MKLN1: variants seen among roughly 807,000 people sequenced by gnomAD.
MKLN1 encodes the protein muskelin.
A neutral mutation model predicts 99.0 loss-of-function variants in MKLN1; 18 were observed. The ratio of observed to expected loss-of-function variants is 0.18; its 90% CI spans 0.13 to 0.27. MKLN1 has a LOEUF of 0.27. Among genes scored for constraint, MKLN1 ranks in the 10% least tolerant of loss-of-function variants. The probability of loss-of-function intolerance (pLI) is 1.00; values close to 1 mark genes in which losing one functional copy is unlikely to be tolerated. For synonymous variants in MKLN1, 288 were observed against 293.2 expected, an observed-to-expected ratio of 0.98 and a Z score of 0.18; for missense variants, 621 against 875.9, an observed-to-expected ratio of 0.71 and a Z score of 3.67.
Position 131,411,252 on chromosome 7 carries a change from T to C in MKLN1, c.704-54T>C, listed in dbSNP as rs117889773. ...TTTAAATTTTAATTTTTTTCTATAA[T>C]AAATAATGTAAGTAGTTAAGGTGTA... On this transcript the variant is annotated intron_variant, in intron 6 of 17. Coordinates refer to ENST00000352689, the MANE Select transcript of MKLN1 (RefSeq NM_013255.5). 7,789 of 1,076,004 alleles carry C rather than the reference T, an allele frequency of 7.2e-3. 53 individuals carry two copies. The highest frequency in any genetic ancestry group is 9.3e-3 in the Non-Finnish European group (6,781 of 726,772). 66.7% of individuals were successfully genotyped at this position (1,076,004 alleles called of 1,614,324 possible).
chr7:131,233,351 C>G (rs1005806284), intron 3 of MKLN1, among the ~76,000 whole-genome samples: 3 of 149,818 alleles, frequency 2.0e-5, no homozygotes, highest in South Asian at 2.1e-4. Context: ...GCCTGGGTGA[C>G]AGAAGGAGAC....
chr7:131,345,553 C>T (rs1350486926), intron 1 of MKLN1, among the ~76,000 whole-genome samples: 1 of 152,088 alleles, frequency 6.6e-6, no homozygotes, highest in Non-Finnish European at 1.5e-5. Flanking sequence ...CTCTTCTCTA[C>T]AAAACGTTAA....
chr7:131,254,343 A>C (rs2116522118), intron 3 of MKLN1, among the ~76,000 whole-genome samples: 1 of 152,324 alleles, frequency 6.6e-6, no homozygotes, highest in East Asian at 1.9e-4. Flanking sequence ...ATATTATATA[A>C]CATGTCCAGT....
intron 11 of MKLN1, among the ~76,000 whole-genome samples, chr7:131,444,303 GAC>G (rs1795930832): frequency 6.6e-6 from 1 of 151,760 alleles, no homozygotes; most frequent in African/African-American, 2.4e-5. Flanking sequence ...ATTTAGTAAA[GAC>G]AGGGTTTCAC....
chr7:131,340,649 C>T (rs1799382385), intron 1 of MKLN1, among the ~76,000 whole-genome samples: 1 of 152,146 alleles, frequency 6.6e-6, no homozygotes, highest in Non-Finnish European at 1.5e-5. Context: ...CCAAAAACTC[C>T]ATAGAATGTA....
chr7:131,247,316 C>T (rs775468983), intron 3 of MKLN1, among the ~76,000 whole-genome samples: 10 of 149,630 alleles, frequency 6.7e-5, no homozygotes, highest in African/African-American at 1.7e-4. Context: ...CGGGTTGAAG[C>T]GATTCTCCTG....
chr7:131,338,380 C>G (rs1303381069), intron 1 of MKLN1, among the ~76,000 whole-genome samples: 1 of 152,194 alleles, frequency 6.6e-6, no homozygotes, highest in Non-Finnish European at 1.5e-5. Context: ...AGTGGCTGTC[C>G]TTTTTTGGCT....
At chr7:131,442,323 G>A (rs1343262709) in intron 10 of MKLN1, among the ~76,000 whole-genome samples, 5 of 152,282 alleles carry the variant, frequency 3.3e-5, no homozygotes, top group East Asian at 1.9e-4. Flanking sequence ...CGAGGCAGGC[G>A]GATCACCTGA....
intron 2 of MKLN1, among the ~76,000 whole-genome samples, chr7:131,386,675 T>A (rs1283718729): frequency 6.6e-6 from 1 of 152,234 alleles, no homozygotes. Context: ...GCAGGGTTGA[T>A]TAGTAAATCT....
intron 3 of MKLN1, among the ~76,000 whole-genome samples, chr7:131,241,444 C>T (rs1481518354): frequency 2.0e-5 from 3 of 149,124 alleles, no homozygotes; most frequent in South Asian, 2.1e-4. Context: ...CGGTGGCTCA[C>T]GCCTGTAATT....
intron 3 of MKLN1, among the ~76,000 whole-genome samples, chr7:131,243,746 G>A (rs1199811776): frequency 6.6e-6 from 1 of 152,194 alleles, no homozygotes. Flanking sequence ...CTGCGAGGTA[G>A]CTCACGTCTG....
intron 3 of MKLN1, among the ~76,000 whole-genome samples, chr7:131,269,284 AG>A (rs1310018145): frequency 2.0e-5 from 3 of 152,240 alleles, no homozygotes; most frequent in Non-Finnish European, 4.4e-5. Context: ...TATTGCCCAC[AG>A]TTCTAGAGGC....
At chr7:131,211,264 TA>T (rs1395588663) in intron 3 of MKLN1, among the ~76,000 whole-genome samples, 10 of 152,180 alleles carry the variant, frequency 6.6e-5, no homozygotes, top group Admixed American at 6.5e-4. Context: ...TTATGTACAT[TA>T]AAAGTTTGCC....
chr7:131,297,318 G>A (rs982590825), intron 3 of MKLN1, among the ~76,000 whole-genome samples: 13 of 152,146 alleles, frequency 8.5e-5, no homozygotes, highest in Middle Eastern at 3.4e-3. Flanking sequence ...CCGAGATAGC[G>A]CCACTGCACT....
At chr7:131,444,718 GAGTAGTAGTAGTAGTAGTAGTAGT>G (rs60571380) in intron 11 of MKLN1, among the ~76,000 whole-genome samples, 11 of 128,748 alleles carry the variant, frequency 8.5e-5, no homozygotes, top group African/African-American at 1.4e-4. Flanking sequence ...CCTGGGTTTT[GAGTAGTAGTAGTAGTAGTAGTAGT>G]AGTAGTAGTA....
At chr7:131,478,334 G>A in intron 16 of MKLN1, 1 of 301,164 alleles carries the variant, frequency 3.3e-6, no homozygotes, top group Non-Finnish European at 6.0e-6. Flanking sequence ...TTATTTTGTT[G>A]TGCTGTTGTT....
At chr7:131,168,937 G>A (rs556933391) in intron 2 of MKLN1, among the ~76,000 whole-genome samples, 2 of 147,666 alleles carry the variant, frequency 1.4e-5, no homozygotes, top group Admixed American at 6.9e-5. Context: ...GTGCAATCTT[G>A]GCTCACCGCA....
At chr7:131,315,970 CT>C (rs1473527141) in intron 3 of MKLN1, among the ~76,000 whole-genome samples, 1 of 152,232 alleles carries the variant, frequency 6.6e-6, no homozygotes, top group African/African-American at 2.4e-5. Flanking sequence ...TGCGGAGGGG[CT>C]GCTGTGGGCA....
intron 15 of MKLN1, among the ~76,000 whole-genome samples, chr7:131,468,508 T>C (rs1796721206): frequency 6.6e-6 from 1 of 152,222 alleles, no homozygotes; most frequent in Non-Finnish European, 1.5e-5. Context: ...AGTTAGAATA[T>C]AAATTTAGAA....
Sources: allele counts gnomAD v4.1 joint callset (sites outside exome capture counted in the v4.1 genomes callset), GRCh38; gene constraint gnomAD v4.1.1; transcripts MANE v1.5; gene names NCBI Gene and HGNC (gene_info 2026-07-23, HGNC 2026-07-21).